The following CR1 variants were observed in gnomAD, a reference collection of about 807,000 sequenced individuals.
CR1 encodes complement C3b/C4b receptor 1 (Knops blood group), also known as complement receptor type 1.
CR1 carries 116 observed loss-of-function variants against 187.3 expected under a neutral mutation model. That is an observed-to-expected ratio of 0.62 (90% CI 0.53 to 0.72). The LOEUF (loss-of-function observed/expected upper bound fraction) is 0.72, where lower values mean the gene tolerates loss of function less well. CR1 is among the 30% of genes least tolerant of loss of function. The pLI is 0.00. For missense variants in CR1, 1,731 were observed against 2,110.7 expected (o/e 0.82, Z 3.52); for synonymous variants, 576 against 747.1 (o/e 0.77, Z 3.73).
intron 2 of CR1, 24 bp from the exon 3 acceptor site, chr1:207,506,690 C>G (rs540275340): frequency 6.2e-7 from 1 of 1,608,682 alleles, no homozygotes; most frequent in African/African-American, 1.3e-5. Flanking sequence ...TACTTGGCTC[C>G]AAAATTCTGT....
chr1:207,567,904 G>C lies in CR1; in HGVS notation c.4033G>C (p.Ala1345Pro), dbSNP rs202021797. Residue 1345 changes from alanine to proline, a missense_variant, in exon 25 of 47, where the codon GCA (alanine) becomes CCA (proline). Ala to Pro is a conservative substitution (Grantham distance 27, BLOSUM62 -1). This residue lies in a region of CR1 where 1,312 missense variants were observed against 1,379.6 expected (regional missense o/e 0.95). Transcript: ENST00000367049. Reference protein sequence around the residue: ...KPLEVFPFGKAVNYTCDPHPD... With the variant: ...KPLEVFPFGKPVNYTCDPHPD... ...TCTGGAAGTCTTTCCCTTTGGAAAA[G>C]CAGTAAATTACACATGCGACCCCCA... The C allele has an allele frequency of 2.4e-4, 385 of 1,610,116 alleles. 5 individuals carry two copies. Among genetic ancestry groups the C allele is most frequent in the Non-Finnish European group, 3.0e-4 (356 of 1,179,340 alleles).
At chr1:207,581,832 G>T (rs184079276) in intron 31 of CR1, 86 bp from the exon 32 acceptor site, 70 of 874,342 alleles carry the variant, frequency 8.0e-5, no homozygotes, top group Non-Finnish European at 3.0e-5. Flanking sequence ...ATTAACTTAG[G>T]AATTCTCAGG....
intron 27 of CR1, among the ~76,000 whole-genome samples, chr1:207,573,245 G>A (rs568181563): frequency 1.3e-4 from 20 of 152,238 alleles, no homozygotes; most frequent in African/African-American, 4.6e-4. Flanking sequence ...GCCAGGTAGC[G>A]AATACGGGTT....
intron 4 of CR1, among the ~76,000 whole-genome samples, chr1:207,515,989 A>T (rs1199564497): frequency 1.3e-5 from 2 of 152,144 alleles, no homozygotes; most frequent in Non-Finnish European, 2.9e-5. Flanking sequence ...CCAAGGCAGG[A>T]GGATTGCTTG....
chr1:207,583,356 C>T (rs1450841759), intron 32 of CR1, among the ~76,000 whole-genome samples: 1 of 152,106 alleles, frequency 6.6e-6, no homozygotes, highest in Non-Finnish European at 1.5e-5. Flanking sequence ...CTGGCAAACA[C>T]TGATTGGAAT....
chr1:207,631,553 G>A (rs1445957455), intron 46 of CR1, among the ~76,000 whole-genome samples: 1 of 152,080 alleles, frequency 6.6e-6, no homozygotes, highest in Non-Finnish European at 1.5e-5. Flanking sequence ...CTTTTAACCT[G>A]GGCTTTCCAT....
chr1:207,565,931 A>G lies in CR1; in HGVS notation c.3952+8A>G, dbSNP rs1389079353. On this transcript the variant is annotated splice_region_variant and intron_variant, in intron 24 of 46. Coordinates refer to ENST00000367049, the MANE Select transcript of CR1 (RefSeq NM_000651.6). ...GTGTTCCAGTGTGTGAACGTGAGTA[A>G]TAGGAGCAACATTTCAGGCCAATCT... is the stretch of plus-strand genomic sequence containing the variant. The G allele has an allele frequency of 2.5e-6, 4 of 1,611,084 alleles. No homozygotes were observed. The highest frequency in any genetic ancestry group is 3.4e-6 in the Non-Finnish European group (4 of 1,179,718).
chr1:207,526,153 A>G (rs1257114614), intron 5 of CR1, among the ~76,000 whole-genome samples: 1 of 151,996 alleles, frequency 6.6e-6, no homozygotes, highest in Non-Finnish European at 1.5e-5. Context: ...TTCTCACTGA[A>G]GTGAAATGAA....
chr1:207,496,250 T>A lies in CR1; in HGVS notation c.-18T>A. 6.2e-7 allele frequency: 1 copy of A among 1,613,800 alleles called. No individual in the cohort carries two copies. Among genetic ancestry groups the A allele is most frequent in the Middle Eastern group, 1.7e-4 (1 of 5,964 alleles). ...TTTCTTCGAGATCAAATCTGGTTTG[T>A]AGATGTGCTTGGGGAGAATGGGGGC... is the stretch of plus-strand genomic sequence containing the variant. On this transcript the variant is annotated 5_prime_UTR_variant, in exon 1 of 47. Transcript: ENST00000367049.
At chr1:207,617,986 A>T (rs190446941) in intron 41 of CR1, 85 bp from the exon 42 acceptor site, 1 of 1,424,028 alleles carries the variant, frequency 7.0e-7, no homozygotes, top group African/African-American at 1.4e-5. Flanking sequence ...TCTAATAGCC[A>T]GAGATATTGG....
intron 35 of CR1, among the ~76,000 whole-genome samples, chr1:207,602,570 A>G (rs1399415094): frequency 1.3e-5 from 2 of 152,152 alleles, no homozygotes; most frequent in Non-Finnish European, 2.9e-5. Context: ...AAAATCTAAA[A>G]GCATGCTTGA....
chr1:207,616,046 G>A (rs1015564282), intron 40 of CR1, among the ~76,000 whole-genome samples: 10 of 152,170 alleles, frequency 6.6e-5, no homozygotes, highest in South Asian at 2.1e-4. Flanking sequence ...CATTTAATCT[G>A]AGTAAAAACA....
rs188416683 is a variant in CR1 at position 207,610,259 on chromosome 1, T to G, written c.6295+571T>G. The stretch of plus-strand genomic sequence containing the variant: ...ATATGTATATACACACACACACATA[T>G]ATACTTGATATATAATTATATATTG... On this transcript the variant is annotated intron_variant, in intron 37 of 46. Transcript: ENST00000367049. Among the ~76,000 whole-genome samples, 3 of 152,264 alleles carry G rather than the reference T, an allele frequency of 2.0e-5. No individual in the cohort carries two copies. In the East Asian group the frequency reaches 5.8e-4, roughly 29 times the overall value.
chr1:207,519,978 G>A (rs1450352906), intron 4 of CR1, among the ~76,000 whole-genome samples: 1 of 152,202 alleles, frequency 6.6e-6, no homozygotes, highest in Non-Finnish European at 1.5e-5. Flanking sequence ...CCTTTAGGCT[G>A]AGCTTAAACT....
Position 207,565,144 on chromosome 1 carries a change from G to A in CR1, c.3867-694G>A, listed in dbSNP as rs913470983. On this transcript the variant is annotated intron_variant, in intron 23 of 46. Transcript: ENST00000367049. The stretch of plus-strand genomic sequence containing the variant: ...GCACATCTCTACACAGGAGCTGACC[G>A]GCATGGGCAACAAAGCACCTGATCC... Among the ~76,000 whole-genome samples the A allele has an allele frequency of 3.3e-5, 5 of 150,050 alleles. 1 individual carries two copies. In the East Asian group the frequency reaches 5.8e-4, roughly 17 times the overall value.
intron 45 of CR1, among the ~76,000 whole-genome samples, chr1:207,626,398 A>C (rs139725732): frequency 6.6e-6 from 1 of 152,186 alleles, no homozygotes; most frequent in Non-Finnish European, 1.5e-5. Context: ...TGTGGCCAAT[A>C]AGCTAAGTCA....
Position 207,609,349 on chromosome 1 carries a change from A to G in CR1, c.5956A>G (p.Thr1986Ala), listed in dbSNP as rs2102383326. The change falls in exon 37 of 47, where the codon ACA (threonine) becomes GCA (alanine). Residue 1986 changes from threonine (T) to alanine (A), a missense_variant. Thr to Ala is a moderately conservative substitution (Grantham distance 58). Coordinates refer to ENST00000367049, the MANE Select transcript of CR1 (RefSeq NM_000651.6). ...TGGAGACTTCTACAGCAACAATAGA[A>G]CATCTTTTCACAATGGAACGGTGGT... ...SNGDFYSNNR[T>A]SFHNGTVVTY... 1 of 1,613,970 alleles carries G rather than the reference A, an allele frequency of 6.2e-7. No individual in the cohort carries two copies. Among genetic ancestry groups the G allele is most frequent in the Non-Finnish European group, 8.5e-7 (1 of 1,179,864 alleles).
At chr1:207,600,743 A>G (rs1006541603) in intron 35 of CR1, 13 of 152,166 alleles carry the variant, frequency 8.5e-5, no homozygotes, top group African/African-American at 2.9e-4. Flanking sequence ...GATATCATGC[A>G]TATCCCTCAT....
chr1:207,609,489 C>T lies in CR1; in HGVS notation c.6096C>T (p.Pro2032=), dbSNP rs367704741. The change falls in exon 37 of 47, where the codon CCC becomes CCT. Residue 2032 remains proline (P), a synonymous_variant. Transcript: ENST00000367049. Reference sequence around the variant, plus strand: ...AAGTTGGTGTTTGGAGCAGCCCTCCCCCTCGGTGTATTTCTACTAATAAAT... The same window carrying T: ...AAGTTGGTGTTTGGAGCAGCCCTCCTCCTCGGTGTATTTCTACTAATAAAT... The part of the protein sequence containing the change: ...DDQVGVWSSP[P]PRCISTNKCT... 90 of 1,613,820 alleles carry T rather than the reference C, an allele frequency of 5.6e-5. No individual in the cohort carries two copies. Among genetic ancestry groups the T allele is most frequent in the Middle Eastern group, 4.9e-4 (3 of 6,084 alleles).
Sources: gnomAD v4.1 joint callset for allele counts (sites outside exome capture counted in the v4.1 genomes callset) on GRCh38, gnomAD v4.1.1 for gene constraint, gnomAD v4.1.1 regional missense constraint, MANE v1.5 for transcripts, NCBI Gene and HGNC (gene_info 2026-07-23, HGNC 2026-07-21) for gene names.